Variants in ASTN2 observed in about 807,000 individuals in gnomAD.
ASTN2 encodes astrotactin-2.
In ASTN2, 54 loss-of-function variants were observed where a neutral mutation model predicts 139.8. That is an observed-to-expected ratio of 0.39 (90% CI 0.31 to 0.48). The LOEUF (loss-of-function observed/expected upper bound fraction) is 0.48, where lower values mean the gene tolerates loss of function less well. Among genes scored for constraint, ASTN2 ranks in the 20% least tolerant of loss-of-function variants. ASTN2 has a pLI of 0.95. For missense variants in ASTN2, 1,565 were observed against 1,725.1 expected (o/e 0.91, Z 1.64); for synonymous variants, 756 against 719.5 (o/e 1.05, Z -0.81).
chr9:116,424,957 T>G lies in ASTN2; in HGVS notation c.*894A>C, dbSNP rs1847265624. On this transcript the variant is annotated 3_prime_UTR_variant, in exon 23 of 23. Coordinates refer to ENST00000313400, the MANE Select transcript of ASTN2 (RefSeq NM_001365068.1). ...CTCATCCTTTGGGTTTAGGTATCAC[T>G]TTTTCAAGGAAGCATTTCAGGAGCC... Among the ~76,000 whole-genome samples, 1 of 152,134 alleles carries G rather than the reference T, an allele frequency of 6.6e-6. No individual in the cohort carries two copies. Among genetic ancestry groups the G allele is most frequent in the African/African-American group, 2.4e-5 (1 of 41,438 alleles).
intron 22 of ASTN2, chr9:116,437,207 A>C (rs1205155561): frequency 2.5e-6 from 1 of 394,488 alleles, no homozygotes; most frequent in African/African-American, 2.1e-5. Context: ...TAATAATAAT[A>C]AAAAATACCA....
chr9:117,141,316 G>A lies in ASTN2; in HGVS notation c.1168+10C>T. The A allele has an allele frequency of 7.3e-7, 1 of 1,366,682 alleles. No individual in the cohort carries two copies. Among genetic ancestry groups the A allele is most frequent in the Non-Finnish European group, 9.8e-7 (1 of 1,021,318 alleles). 84.7% of individuals were successfully genotyped at this position (1,366,682 alleles called of 1,614,324 possible). A position where few individuals can be genotyped will look rare whatever the true frequency, so the allele number is the denominator to read the frequency against. ...CTGACTTCCTGGCCAGATGTGCCAGGAGGGCCTACCTCGAGACTTGCTCCT... is the reference window on the plus strand; with the variant it reads ...CTGACTTCCTGGCCAGATGTGCCAGAAGGGCCTACCTCGAGACTTGCTCCT... On this transcript the variant is annotated intron_variant, in intron 4 of 22. Transcript: ENST00000313400.
At chr9:116,879,344 GAGACAGAC>G (rs55856269) in intron 10 of ASTN2, among the ~76,000 whole-genome samples, 16,562 of 149,700 alleles carry the variant, frequency 0.11, 2,214 homozygotes, top group African/African-American at 0.33. Flanking sequence ...GAGAGAGACA[GAGACAGAC>G]AGACAGACAG....
At chr9:117,380,462 G>A (rs1169801605) in intron 1 of ASTN2, among the ~76,000 whole-genome samples, 2 of 151,940 alleles carry the variant, frequency 1.3e-5, no homozygotes, top group Non-Finnish European at 2.9e-5. Context: ...AAAATTAGCT[G>A]GGGGTGGTGT....
intron 10 of ASTN2, among the ~76,000 whole-genome samples, chr9:116,914,547 T>TTTTTTATTATTATTATTATTATTA (rs1554760026): frequency 2.7e-5 from 4 of 146,912 alleles, no homozygotes; most frequent in African/African-American, 1.0e-4. Flanking sequence ...TGTAAAGTGT[T>TTTTTTATTATTATTATTATTATTA]TTATTATTAT....
chr9:117,214,860 C>A, intron 2 of ASTN2, 118 bp from the exon 3 acceptor site: 1 of 1,155,796 alleles, frequency 8.7e-7, no homozygotes, highest in Non-Finnish European at 1.1e-6. Flanking sequence ...CATAGAGCCT[C>A]AGGAACCACC....
chr9:117,136,182 C>T (rs1829947328), intron 4 of ASTN2, among the ~76,000 whole-genome samples: 1 of 152,134 alleles, frequency 6.6e-6, no homozygotes, highest in African/African-American at 2.4e-5. Context: ...ATATGTCTGG[C>T]TCTGTGCTAA....
At chr9:116,618,111 A>G (rs147115009) in intron 19 of ASTN2, among the ~76,000 whole-genome samples, 1 of 152,160 alleles carries the variant, frequency 6.6e-6, no homozygotes, top group Non-Finnish European at 1.5e-5. Context: ...AACTCAGAGA[A>G]TCAGACACTC....
intron 2 of ASTN2, among the ~76,000 whole-genome samples, chr9:117,281,752 C>T (rs1382288203): frequency 6.6e-6 from 1 of 152,026 alleles, no homozygotes; most frequent in Non-Finnish European, 1.5e-5. Context: ...TCTGGATCTC[C>T]CCTCTCCTTC....
chr9:116,487,834 G>C (rs754396903), intron 19 of ASTN2, among the ~76,000 whole-genome samples: 1 of 151,654 alleles, frequency 6.6e-6, no homozygotes, highest in Non-Finnish European at 1.5e-5. Flanking sequence ...TAACTATTCT[G>C]GCCTTGTCAC....
intron 2 of ASTN2, among the ~76,000 whole-genome samples, chr9:117,236,653 A>G (rs1833053508): frequency 1.3e-5 from 2 of 152,160 alleles, no homozygotes; most frequent in South Asian, 4.1e-4. Flanking sequence ...GGATGGATAG[A>G]TGGATGGACA....
At position 117,321,679 on chromosome 9, in the gene ASTN2, T is replaced by C. The variant is rs1564145295; in HGVS notation, c.443-30166A>G. On this transcript the variant is annotated intron_variant, in intron 1 of 22. Transcript: ENST00000313400. ...GTTCTGTGATTCATCTTAAACCAAATAGGTAACCACCTTCTCTGCCAGGCC... is the reference window on the plus strand; with the variant it reads ...GTTCTGTGATTCATCTTAAACCAAACAGGTAACCACCTTCTCTGCCAGGCC... 2.6e-5 allele frequency among the ~76,000 whole-genome samples: 4 copies of C among 152,136 alleles called. No individual in the cohort carries two copies. The South Asian group carries it at 8.3e-4, about 32-fold the overall frequency.
chr9:116,597,755 T>A (rs1200325833), intron 19 of ASTN2, among the ~76,000 whole-genome samples: 1 of 152,164 alleles, frequency 6.6e-6, no homozygotes, highest in East Asian at 1.9e-4. Context: ...CTGTGATCTC[T>A]ACATTGGGTA....
At chr9:117,127,677 T>TG (rs1829725043) in intron 4 of ASTN2, among the ~76,000 whole-genome samples, 2 of 127,020 alleles carry the variant, frequency 1.6e-5, no homozygotes, top group African/African-American at 6.0e-5. Flanking sequence ...TTTTGGTTTT[T>TG]TTTTTTTTTT....
chr9:116,751,586 T>A (rs1829404932), intron 13 of ASTN2, among the ~76,000 whole-genome samples: 1 of 151,800 alleles, frequency 6.6e-6, no homozygotes, highest in Non-Finnish European at 1.5e-5. Context: ...ATTTAGGGTT[T>A]AAAAAATAAT....
rs907194558 is a variant in ASTN2 at position 117,373,492 on chromosome 9, C to G, written c.442+41005G>C. Among the ~76,000 whole-genome samples the G allele has an allele frequency of 7.2e-5, 11 of 152,260 alleles. No individual in the cohort carries two copies. In the South Asian group the frequency reaches 8.3e-4, roughly 11 times the overall value. On this transcript the variant is annotated intron_variant, in intron 1 of 22. Coordinates refer to ENST00000313400, the MANE Select transcript of ASTN2 (RefSeq NM_001365068.1). ...TGTAGTAGAAAACTTCAAGGTCAAA[C>G]TAAGGGATGCAGACCAGTGAAATAT...
At chr9:117,119,957 G>T (rs1829498105) in intron 4 of ASTN2, among the ~76,000 whole-genome samples, 1 of 142,012 alleles carries the variant, frequency 7.0e-6, no homozygotes, top group Non-Finnish European at 1.5e-5. Flanking sequence ...TCATATGAAA[G>T]GAAATCATAT....
intron 7 of ASTN2, among the ~76,000 whole-genome samples, chr9:116,982,532 C>G (rs1399515484): frequency 6.7e-6 from 1 of 148,970 alleles, no homozygotes; most frequent in Non-Finnish European, 1.5e-5. Flanking sequence ...ACCACAGTTT[C>G]TTTATCTGTA....
At chr9:116,848,019 T>C (rs568110688) in intron 11 of ASTN2, among the ~76,000 whole-genome samples, 1 of 152,316 alleles carries the variant, frequency 6.6e-6, no homozygotes, top group South Asian at 2.1e-4. Flanking sequence ...GAGCTCTCTC[T>C]GTTCCCAAGG....
Sources: gnomAD v4.1 joint callset for allele counts (sites outside exome capture counted in the v4.1 genomes callset) on GRCh38, gnomAD v4.1.1 for gene constraint, MANE v1.5 for transcripts, NCBI Gene and HGNC (gene_info 2026-07-23, HGNC 2026-07-21) for gene names.